Variants in FRMD6 observed in about 807,000 individuals in gnomAD.
FRMD6 encodes the protein FERM domain containing 6.
In FRMD6, 37 loss-of-function variants were observed where a neutral mutation model predicts 73.2. The ratio of observed to expected loss-of-function variants is 0.51; its 90% CI spans 0.39 to 0.66. The LOEUF is 0.66. Ranked by LOEUF, FRMD6 falls within the 30% of genes least tolerant of loss-of-function variation. The pLI is 0.00. For missense variants in FRMD6, 714 were observed against 780.5 expected (o/e 0.91, Z 1.02); for synonymous variants, 273 against 282.2 (o/e 0.97, Z 0.33).
At chr14:51,676,177 G>C (rs889813447) in intron 1 of FRMD6, among the ~76,000 whole-genome samples, 2 of 151,962 alleles carry the variant, frequency 1.3e-5, no homozygotes, top group Admixed American at 1.3e-4. Context: ...TGTCATCTTG[G>C]CCAGCACATT....
rs1161526174 is a variant in FRMD6, at chr14:51,551,255, A to C, written c.-209-19093A>C. On this transcript the variant is annotated intron_variant, in intron 1 of 14. Transcript: ENST00000356218. ...TTGGGGCACTTCCTCTTCAAATTCC[A>C]GTACTTTTGGCATTTTTGACACAAA... Among the ~76,000 whole-genome samples the C allele has an allele frequency of 3.3e-5, 5 of 152,236 alleles. No individual in the cohort carries two copies. The East Asian group carries it at 9.6e-4, about 29-fold the overall frequency.
intron 1 of FRMD6, among the ~76,000 whole-genome samples, chr14:51,562,713 A>G (rs190505603): frequency 6.6e-6 from 1 of 152,318 alleles, no homozygotes; most frequent in East Asian, 1.9e-4. Context: ...CTTCCTGCAT[A>G]AGACTTGATA....
At chr14:51,467,572 G>GGGGCGGCTGCC in the FRMD6 span, among the ~76,000 whole-genome samples, 3 of 151,842 alleles carry the variant, frequency 2.0e-5, no homozygotes, top group African/African-American at 7.3e-5. Context: ...CCTCCCGGAC[G>GGGGCGGCTGCC]GGGCGGCTGC....
At chr14:51,578,963 T>A (rs1161547687) in intron 2 of FRMD6, 1 of 152,282 alleles carries the variant, frequency 6.6e-6, no homozygotes, top group East Asian at 1.9e-4. Flanking sequence ...TTCCTTTTCT[T>A]CTTTACAGCT....
At chr14:51,488,961 A>G (rs182709679), upstream of FRMD6, 36 of 152,224 alleles carry the variant, frequency 2.4e-4, no homozygotes, top group South Asian at 2.5e-3. Flanking sequence ...TGCCCTCCCA[A>G]TTTTCCCAGG....
chr14:51,700,201 G>T (rs949777844), intron 3 of FRMD6, among the ~76,000 whole-genome samples: 1 of 151,896 alleles, frequency 6.6e-6, no homozygotes, highest in African/African-American at 2.4e-5. Flanking sequence ...AGAATAAAAG[G>T]AGTTTAAAAA....
the FRMD6 span, among the ~76,000 whole-genome samples, chr14:51,414,763 G>A: frequency 6.6e-6 from 1 of 152,148 alleles, no homozygotes; most frequent in Non-Finnish European, 1.5e-5. Flanking sequence ...CCATTTTCCC[G>A]ATATTGATTC....
intron 1 of FRMD6, among the ~76,000 whole-genome samples, chr14:51,549,917 A>C (rs1217103481): frequency 6.6e-6 from 1 of 152,192 alleles, no homozygotes; most frequent in Non-Finnish European, 1.5e-5. Flanking sequence ...AACCTTTTAA[A>C]GGCAGGACTC....
the FRMD6 span, among the ~76,000 whole-genome samples, chr14:51,438,964 T>A: frequency 6.6e-6 from 1 of 152,212 alleles, no homozygotes; most frequent in South Asian, 2.1e-4. Flanking sequence ...GGTGTAAAGT[T>A]GTTCAAATAT....
chr14:51,715,432 C>T lies in FRMD6; in HGVS notation c.957C>T (p.Asn319=), dbSNP rs764916985. ...GACACCTCCTGCAACTTCTGAGCAA[C>T]AGCCACCGCCTCTATATGAATCTGC... ...RSRHLLQLLS[N]SHRLYMNLQP... is the part of the protein sequence containing the mutation. Residue 319 remains asparagine, a synonymous_variant, in exon 10 of 14, where the codon AAC becomes AAT. Transcript: ENST00000344768. 6.2e-7 allele frequency: 1 copy of T among 1,613,956 alleles called. No homozygotes were observed. The highest frequency in any genetic ancestry group is 1.1e-5 in the South Asian group (1 of 91,018).
At chr14:51,570,456 A>G (rs1888069156) in intron 2 of FRMD6, 1 of 152,238 alleles carries the variant, frequency 6.6e-6, no homozygotes, top group African/African-American at 2.4e-5. Context: ...TCAAAAAACA[A>G]AAACCGAAGT....
At chr14:51,573,086 T>C (rs1320770600) in intron 2 of FRMD6, among the ~76,000 whole-genome samples, 1 of 152,228 alleles carries the variant, frequency 6.6e-6, no homozygotes, top group Non-Finnish European at 1.5e-5. Flanking sequence ...AGCTGAGATA[T>C]AGAAATGAGG....
chr14:51,692,072 T>C (rs546412371), intron 2 of FRMD6, among the ~76,000 whole-genome samples: 16 of 152,344 alleles, frequency 1.1e-4, no homozygotes, highest in Admixed American at 7.8e-4. Flanking sequence ...TTTACTGCTG[T>C]ATCCTCATTT....
At chr14:51,403,616 G>T in the FRMD6 span, among the ~76,000 whole-genome samples, 1 of 151,982 alleles carries the variant, frequency 6.6e-6, no homozygotes, top group Non-Finnish European at 1.5e-5. Flanking sequence ...TGCCCAGGCT[G>T]GTCTTGAACT....
In FRMD6 at chr14:51,728,052, C is replaced by T; in HGVS notation, c.*23C>T. On this transcript the variant is annotated 3_prime_UTR_variant, in exon 14 of 14. Transcript: ENST00000344768. ...TAAAGTCCGTCTGTGTGCAGCTGTA[C>T]AGGCAGCTTACTGTTTGCTAGAGGA... 5 of 1,587,882 alleles carry T rather than the reference C, an allele frequency of 3.1e-6. No individual in the cohort carries two copies. Among genetic ancestry groups the T allele is most frequent in the South Asian group, 2.3e-5 (2 of 88,694 alleles).
chr14:51,544,320 A>AT (rs1259449997), intron 1 of FRMD6, among the ~76,000 whole-genome samples: 1 of 151,974 alleles, frequency 6.6e-6, no homozygotes, highest in Non-Finnish European at 1.5e-5. Context: ...CTTATGGAGA[A>AT]TTTTTTTCCT....
the FRMD6 span, among the ~76,000 whole-genome samples, chr14:51,450,738 C>A: frequency 2.0e-5 from 3 of 152,206 alleles, no homozygotes; most frequent in African/African-American, 7.2e-5. Flanking sequence ...GCCAAACAAA[C>A]CATGACTATG....
intron 2 of FRMD6, among the ~76,000 whole-genome samples, chr14:51,611,924 A>C (rs1890524403): frequency 1.3e-5 from 2 of 149,688 alleles, no homozygotes; most frequent in Non-Finnish European, 1.5e-5. Context: ...ATGTAAAATG[A>C]AAAAAAAACA....
chr14:51,697,767 AAAAC>A (rs1162080858), intron 2 of FRMD6, among the ~76,000 whole-genome samples: 2 of 152,194 alleles, frequency 1.3e-5, no homozygotes, highest in South Asian at 2.1e-4. Flanking sequence ...GTCAATTAAA[AAAAC>A]AAATGAATAA....
Sources: gnomAD v4.1 joint callset for allele counts (sites outside exome capture counted in the v4.1 genomes callset) on GRCh38, gnomAD v4.1.1 for gene constraint, MANE v1.5 for transcripts, NCBI Gene and HGNC (gene_info 2026-07-23, HGNC 2026-07-21) for gene names.